Variants in MTIF2 observed in about 807,000 individuals in gnomAD.
MTIF2 encodes the protein translation initiation factor IF-2, mitochondrial.
A neutral mutation model predicts 83.5 loss-of-function variants in MTIF2; 71 were observed. The observed-to-expected ratio is 0.85, with a 90% CI of 0.70 to 1.04. The LOEUF (loss-of-function observed/expected upper bound fraction) is 1.04. Ranked by LOEUF, MTIF2 falls within the 50% of genes least tolerant of loss-of-function variation. MTIF2 has a pLI of 0.00. For synonymous variants in MTIF2, 319 were observed against 287.1 expected (o/e 1.11, Z -1.12); for missense variants, 957 against 846.5 (o/e 1.13, Z -1.62).
chr2:55,246,585 A>G, intron 9 of MTIF2, 124 bp from the exon 10 acceptor site: 1 of 774,426 alleles, frequency 1.3e-6, no homozygotes, highest in South Asian at 2.0e-5. Flanking sequence ...AATCATTGAA[A>G]GCATGATTAC....
chr2:55,265,265 G>A (rs1573928003), intron 3 of MTIF2, among the ~76,000 whole-genome samples: 1 of 146,848 alleles, frequency 6.8e-6, no homozygotes, highest in East Asian at 2.0e-4. Context: ...AAAAAATGAA[G>A]AAGAACATGT....
chr2:55,241,232 A>G (rs1676280371), intron 13 of MTIF2, among the ~76,000 whole-genome samples: 2 of 151,546 alleles, frequency 1.3e-5, no homozygotes, highest in Non-Finnish European at 2.9e-5. Context: ...AGCTTGACCA[A>G]CATGGTGACA....
intron 3 of MTIF2, among the ~76,000 whole-genome samples, chr2:55,264,962 G>T (rs192353681): frequency 1.1e-4 from 17 of 152,190 alleles, no homozygotes; most frequent in Middle Eastern, 3.4e-3. Flanking sequence ...ATGTTTTCCA[G>T]CTGGGTGTGG....
rs747169759 is a variant in MTIF2 at position 55,240,077 on chromosome 2, G to C, written c.1804C>G (p.Leu602Val). ...AGTTCCTCTTGCAAATCTTCAACAA[G>C]ACGGTAAATTATTTTGTGAAGTTTA... ...KIKLHKIIYR[L>V]VEDLQEELSS... The change falls in exon 14 of 16, where the codon CTT (leucine) becomes GTT (valine). Residue 602 changes from leucine (L) to valine (V), a missense_variant. Leu to Val is a conservative substitution (Grantham distance 32). This residue lies in a region of MTIF2 where 221 missense variants were observed against 180.6 expected (regional missense o/e 1.22). Transcript: ENST00000263629. The C allele has an allele frequency of 6.2e-7, 1 of 1,613,718 alleles. No individual in the cohort carries two copies. The highest frequency in any genetic ancestry group is 8.5e-7 in the Non-Finnish European group (1 of 1,180,000).
intron 7 of MTIF2, 51 bp downstream of exon 7, chr2:55,253,990 A>G: frequency 1.3e-6 from 2 of 1,585,750 alleles, no homozygotes; most frequent in Non-Finnish European, 1.7e-6. Flanking sequence ...ATTTAGTTTA[A>G]GAAAATAAGT....
At chr2:55,252,346 T>G (rs1677158106) in intron 8 of MTIF2, 131 bp downstream of exon 8, 1 of 774,730 alleles carries the variant, frequency 1.3e-6, no homozygotes, top group African/African-American at 1.7e-5. Flanking sequence ...GAAAACAATT[T>G]ATCTTTGAGG....
intron 3 of MTIF2, chr2:55,266,472 G>C (rs1325650849): frequency 1.3e-5 from 2 of 150,016 alleles, no homozygotes; most frequent in Non-Finnish European, 2.9e-5. Flanking sequence ...GTTGCAGTGA[G>C]CCAAGATCAC....
intron 5 of MTIF2, among the ~76,000 whole-genome samples, chr2:55,260,689 C>G (rs1677901127): frequency 6.6e-6 from 1 of 152,164 alleles, no homozygotes; most frequent in Admixed American, 6.5e-5. Flanking sequence ...CTCTCTAAAC[C>G]TCACCTTCCC....
chr2:55,261,298 C>T (rs1394929639), intron 5 of MTIF2, among the ~76,000 whole-genome samples: 3 of 152,152 alleles, frequency 2.0e-5, no homozygotes, highest in Admixed American at 6.5e-5. Flanking sequence ...GCTGGCCTTA[C>T]AGATATTGTC....
At position 55,259,561 on chromosome 2, in the gene MTIF2, T is replaced by A. The variant is rs372376263; in HGVS notation, c.331+2755A>T. Among the ~76,000 whole-genome samples, 38 of 151,986 alleles carry A rather than the reference T, an allele frequency of 2.5e-4. No individual in the cohort carries two copies. In the East Asian group the frequency reaches 4.3e-3, roughly 17 times the overall value. On this transcript the variant is annotated intron_variant, in intron 5 of 15. Transcript: ENST00000263629. Reference sequence around the variant, plus strand: ...AGATACATACTGAAGTATTTATGGATAAAATAAAATATCTGTTGTCACTGA... The same window carrying A: ...AGATACATACTGAAGTATTTATGGAAAAAATAAAATATCTGTTGTCACTGA...
intron 14 of MTIF2, among the ~76,000 whole-genome samples, chr2:55,238,442 GT>G (rs577927511): frequency 1.4e-5 from 2 of 146,254 alleles, no homozygotes; most frequent in South Asian, 4.3e-4. Flanking sequence ...CCAGGCTGGA[GT>G]GCAATGGCGC....
intron 4 of MTIF2, among the ~76,000 whole-genome samples, chr2:55,262,920 G>A (rs1202824427): frequency 6.6e-6 from 1 of 152,098 alleles, no homozygotes; most frequent in Non-Finnish European, 1.5e-5. Flanking sequence ...GTAGAAACAG[G>A]GTTTCGCCAT....
chr2:55,260,843 C>T (rs955599023), intron 5 of MTIF2, among the ~76,000 whole-genome samples: 13 of 152,024 alleles, frequency 8.6e-5, no homozygotes, highest in Non-Finnish European at 1.8e-4. Flanking sequence ...TTTAATATCA[C>T]TTTATAATGA....
In MTIF2 at chr2:55,243,514, CTCT is replaced by C; in HGVS notation, c.1463_1465del (p.Lys488del). The C allele has an allele frequency of 1.9e-6, 3 of 1,613,990 alleles. No individual in the cohort carries two copies. The South Asian group carries it at 3.3e-5, about 18-fold the overall frequency. ...TCTTTCTAAAAACCGTAGAATTGAT[CTCT>C]TCTTCCACAGTAGATGGCCATACTT... On this transcript the variant is annotated inframe_deletion, in exon 12 of 16. Transcript: ENST00000263629.
Position 55,254,076 on chromosome 2 carries a change from G to A in MTIF2, c.629C>T (p.Thr210Ile). The A allele has an allele frequency of 6.2e-7, 1 of 1,614,194 alleles. No individual in the cohort carries two copies. Among genetic ancestry groups the A allele is most frequent in the Non-Finnish European group, 8.5e-7 (1 of 1,180,034 alleles). Residue 210 changes from threonine to isoleucine, a missense_variant, in exon 7 of 16, where the codon ACT (threonine) becomes ATT (isoleucine). Around this residue, in one of 3 missense-constraint regions of MTIF2, gnomAD observed 733 missense variants for 648.7 expected, o/e 1.13. Transcript: ENST00000263629. ...ACCAATGTGCTGAGTGATGCCTCCAGTTTCCACTGCTGCCACTTGAGTTTT... is the reference window on the plus strand; with the variant it reads ...ACCAATGTGCTGAGTGATGCCTCCAATTTCCACTGCTGCCACTTGAGTTTT... ...FRKTQVAAVE[T>I]GGITQHIGAF...
chr2:55,267,390 C>T (rs999860696), intron 3 of MTIF2, among the ~76,000 whole-genome samples, 179 bp downstream of exon 3: 4 of 152,162 alleles, frequency 2.6e-5, no homozygotes, highest in African/African-American at 9.6e-5. Context: ...AACTCCTGAC[C>T]TCAGGTGATC....
intron 3 of MTIF2, among the ~76,000 whole-genome samples, chr2:55,265,075 T>G (rs1018774687): frequency 3.3e-5 from 5 of 151,756 alleles, no homozygotes; most frequent in Non-Finnish European, 7.4e-5. Context: ...AAACCCTGTC[T>G]CTACTAAAAA....
At chr2:55,238,616 C>T (rs1676071742) in intron 14 of MTIF2, among the ~76,000 whole-genome samples, 1 of 152,110 alleles carries the variant, frequency 6.6e-6, no homozygotes, top group African/African-American at 2.4e-5. Context: ...GTCTTGAACT[C>T]CCATCCTCAG....
intron 5 of MTIF2, among the ~76,000 whole-genome samples, chr2:55,255,050 G>A (rs1174560457): frequency 6.6e-6 from 1 of 151,730 alleles, no homozygotes; most frequent in Non-Finnish European, 1.5e-5. Context: ...ATAAATATTT[G>A]AATATTTATG....
Sources: allele counts gnomAD v4.1 joint callset (sites outside exome capture counted in the v4.1 genomes callset), GRCh38; gene constraint gnomAD v4.1.1; regional missense constraint gnomAD v4.1.1; transcripts MANE v1.5; gene names NCBI Gene and HGNC (gene_info 2026-07-23, HGNC 2026-07-21).